The following XKR6 variants were observed in gnomAD, a reference collection of about 807,000 sequenced individuals.
The protein encoded by XKR6 is XK-related protein 6.
In XKR6, 22 loss-of-function variants were observed where a neutral mutation model predicts 56.7. That is an observed-to-expected ratio of 0.39 (90% CI 0.28 to 0.55). XKR6 has a LOEUF of 0.55. Ranked by LOEUF, XKR6 falls within the 20% of genes least tolerant of loss-of-function variation. The pLI is 0.66. For missense variants in XKR6, 852 were observed against 889.0 expected (o/e 0.96, Z 0.53); for synonymous variants, 524 against 387.8 (o/e 1.35, Z -4.13).
chr8:10,942,978 T>C (rs1563302047), intron 1 of XKR6, among the ~76,000 whole-genome samples: 1 of 152,220 alleles, frequency 6.6e-6, no homozygotes, highest in East Asian at 1.9e-4. Context: ...GGTGGCCACA[T>C]GCAGTGGCTG....
intron 1 of XKR6, among the ~76,000 whole-genome samples, chr8:11,081,826 T>C (rs566087472): frequency 3.9e-5 from 6 of 152,332 alleles, no homozygotes; most frequent in Non-Finnish European, 8.8e-5. Flanking sequence ...ATTTCCACTG[T>C]TTCCCTGGTG....
At chr8:10,951,334 C>T (rs1007818802) in intron 1 of XKR6, among the ~76,000 whole-genome samples, 5 of 133,634 alleles carry the variant, frequency 3.7e-5, no homozygotes, top group Non-Finnish European at 6.8e-5. Context: ...GACAGGGGAA[C>T]GCACACCAGA....
At chr8:11,113,298 A>G (rs900017011) in intron 1 of XKR6, among the ~76,000 whole-genome samples, 2 of 152,202 alleles carry the variant, frequency 1.3e-5, no homozygotes, top group African/African-American at 4.8e-5. Flanking sequence ...TAAACATAGT[A>G]ACTGCCTTAT....
intron 2 of XKR6, among the ~76,000 whole-genome samples, chr8:10,921,861 G>A (rs1413008000): frequency 2.0e-5 from 3 of 152,214 alleles, no homozygotes; most frequent in Non-Finnish European, 4.4e-5. Context: ...AGTCTGCTAT[G>A]GTTTGAAGGT....
At chr8:10,960,617 T>C (rs1016349548) in intron 1 of XKR6, among the ~76,000 whole-genome samples, 1 of 152,206 alleles carries the variant, frequency 6.6e-6, no homozygotes, top group East Asian at 1.9e-4. Flanking sequence ...CACAGGGGCA[T>C]CATTCTCAAT....
intron 1 of XKR6, among the ~76,000 whole-genome samples, chr8:11,010,259 C>T (rs1165409943): frequency 1.2e-4 from 18 of 152,196 alleles, no homozygotes; most frequent in African/African-American, 4.8e-5. Context: ...GGAAGTCCAC[C>T]CCCATGATCC....
At position 11,200,620 on chromosome 8, in the gene XKR6, G is replaced by A. The variant is rs754469665; in HGVS notation, c.720C>T (p.Ile240=). The part of the protein sequence containing the change: ...AQRLCRLSVW[I]WQSVIHLLQM... ...GCAGCAGGTGGATGACCGACTGCCA[G>A]ATCCACACGGAGAGGCGACACAGGC... The change falls in exon 1 of 3, where the codon ATC becomes ATT. Residue 240 remains isoleucine, a synonymous_variant. Coordinates refer to ENST00000416569, the MANE Select transcript of XKR6 (RefSeq NM_173683.4). The surrounding 1 kb of genome is among the most constrained non-coding windows in gnomAD (Gnocchi z 6.4). 17 of 1,550,410 alleles carry A rather than the reference G, an allele frequency of 1.1e-5. No homozygotes were observed. Among genetic ancestry groups the A allele is most frequent in the Middle Eastern group, 1.7e-4 (1 of 5,800 alleles).
intron 1 of XKR6, among the ~76,000 whole-genome samples, chr8:10,980,192 G>A (rs1277413437): frequency 6.6e-6 from 1 of 152,196 alleles, no homozygotes; most frequent in Admixed American, 6.5e-5. Context: ...GTTCCCCACT[G>A]AGAGGGGCCT....
chr8:11,120,083 T>G (rs993898568), intron 1 of XKR6, among the ~76,000 whole-genome samples: 2 of 152,220 alleles, frequency 1.3e-5, no homozygotes, highest in Admixed American at 6.5e-5. Context: ...AATAACATAC[T>G]GAATGGACAA....
chr8:10,913,093 TAGAG>T (rs1165403879), intron 2 of XKR6, among the ~76,000 whole-genome samples: 2 of 151,054 alleles, frequency 1.3e-5, no homozygotes, highest in Non-Finnish European at 3.0e-5. Flanking sequence ...TATCTATATA[TAGAG>T]AGAGAGTATA....
At chr8:11,169,738 C>G (rs1802270817) in intron 1 of XKR6, among the ~76,000 whole-genome samples, 1 of 152,174 alleles carries the variant, frequency 6.6e-6, no homozygotes, top group Admixed American at 6.5e-5. Flanking sequence ...TGTGAATCTA[C>G]CTCATGCCAG....
intron 1 of XKR6, among the ~76,000 whole-genome samples, chr8:10,929,991 ATCT>A (rs1563294717): frequency 6.6e-6 from 1 of 152,190 alleles, no homozygotes; most frequent in Non-Finnish European, 1.5e-5. Flanking sequence ...CACGGTTGTC[ATCT>A]TCTTTTTCCT....
chr8:10,900,307 C>T (rs919666998), intron 2 of XKR6, among the ~76,000 whole-genome samples: 9 of 152,100 alleles, frequency 5.9e-5, no homozygotes, highest in African/African-American at 1.9e-4. Context: ...GGCTTCTGCT[C>T]GTCTCTCCCC....
chr8:11,160,568 C>A (rs188567021), intron 1 of XKR6, among the ~76,000 whole-genome samples: 16 of 152,260 alleles, frequency 1.1e-4, no homozygotes, highest in African/African-American at 3.4e-4. Flanking sequence ...CGAGGAAAGG[C>A]AGACTTTAAC....
At chr8:11,137,880 A>T (rs991367018) in intron 1 of XKR6, 5 of 361,012 alleles carry the variant, frequency 1.4e-5, no homozygotes, top group Non-Finnish European at 2.7e-5. Context: ...TATATTAAAT[A>T]AACTAAAGAA....
intron 1 of XKR6, among the ~76,000 whole-genome samples, chr8:11,170,546 G>C (rs536232293): frequency 6.6e-6 from 1 of 152,172 alleles, no homozygotes; most frequent in African/African-American, 2.4e-5. Flanking sequence ...GGCTGGGAAA[G>C]GGAAAATGAG....
Position 11,149,214 on chromosome 8 carries a change from G to A in XKR6, c.764+51362C>T, listed in dbSNP as rs368912361. On this transcript the variant is annotated intron_variant, in intron 1 of 2. Coordinates refer to ENST00000416569, the MANE Select transcript of XKR6 (RefSeq NM_173683.4). ...GCATTATTACAGTGCACTTACACACGCCTAGATGGCATTGCCTACGACACA... is the reference window on the plus strand; with the variant it reads ...GCATTATTACAGTGCACTTACACACACCTAGATGGCATTGCCTACGACACA... Among the ~76,000 whole-genome samples the A allele has an allele frequency of 7.2e-5, 11 of 152,232 alleles. No individual in the cohort carries two copies. The East Asian group carries it at 1.4e-3, about 19-fold the overall frequency.
At chr8:11,066,553 A>T (rs1799984283) in intron 1 of XKR6, among the ~76,000 whole-genome samples, 1 of 152,144 alleles carries the variant, frequency 6.6e-6, no homozygotes, top group Non-Finnish European at 1.5e-5. Context: ...TCACCCGCCC[A>T]GGCTGACTCA....
At chr8:11,132,913 C>T in intron 1 of XKR6, among the ~76,000 whole-genome samples, 1 of 147,300 alleles carries the variant, frequency 6.8e-6, no homozygotes, top group East Asian at 2.0e-4. Flanking sequence ...GCTCTAAAGA[C>T]AAAAGTTGCT....
Sources: gnomAD v4.1 joint callset for allele counts (sites outside exome capture counted in the v4.1 genomes callset) on GRCh38, gnomAD v4.1.1 for gene constraint, Gnocchi (gnomAD v3.1) non-coding constraint, MANE v1.5 for transcripts, NCBI Gene and HGNC (gene_info 2026-07-23, HGNC 2026-07-21) for gene names.